USP40: variants seen among roughly 807,000 people sequenced by gnomAD.
USP40 encodes the protein ubiquitin carboxyl-terminal hydrolase 40.
In USP40, 143 loss-of-function variants were observed where a neutral mutation model predicts 166.2. That is an observed-to-expected ratio of 0.86 (90% CI 0.75 to 0.99). USP40 has a LOEUF of 0.99. USP40 is among the 50% of genes least tolerant of loss of function. The pLI, the probability that USP40 is intolerant of heterozygous loss-of-function variation, is 0.00. For synonymous variants in USP40, 498 were observed against 524.0 expected (o/e 0.95, Z 0.68); for missense variants, 1,444 against 1,479.7 (o/e 0.98, Z 0.40).
At chr2:233,506,499 C>CA (rs771337794) in intron 21 of USP40, among the ~76,000 whole-genome samples, 7 of 151,988 alleles carry the variant, frequency 4.6e-5, no homozygotes, top group Non-Finnish European at 8.8e-5. Flanking sequence ...AGAACATAGA[C>CA]AAATGGGATT....
At chr2:233,540,104 G>A (rs10198879) in intron 10 of USP40, among the ~76,000 whole-genome samples, 114,564 of 143,874 alleles carry the variant, frequency 0.8, 45,483 homozygotes, top group East Asian at 0.87. Context: ...CAGCCTGGGC[G>A]ACAGAGTGGA....
intron 18 of USP40, among the ~76,000 whole-genome samples, chr2:233,514,141 G>A (rs553262677): frequency 7.2e-5 from 11 of 152,342 alleles, no homozygotes; most frequent in Non-Finnish European, 1.0e-4. Context: ...TACGTGCCAG[G>A]CACTGTGCTA....
chr2:233,515,834 G>C (rs994078437), intron 18 of USP40, among the ~76,000 whole-genome samples: 3 of 152,026 alleles, frequency 2.0e-5, no homozygotes, highest in Admixed American at 6.5e-5. Flanking sequence ...TTAACTTTTA[G>C]TTGTATGATC....
intron 21 of USP40, among the ~76,000 whole-genome samples, chr2:233,506,099 A>G (rs888361738): frequency 2.0e-5 from 3 of 152,210 alleles, no homozygotes; most frequent in Admixed American, 2.0e-4. Flanking sequence ...TTCAAAATAT[A>G]CTACAAAGCA....
intron 21 of USP40, among the ~76,000 whole-genome samples, chr2:233,506,858 C>T (rs1357184051): frequency 6.6e-6 from 1 of 151,436 alleles, no homozygotes; most frequent in African/African-American, 2.4e-5. Flanking sequence ...TTGCAGTGAG[C>T]TGAGATCACC....
chr2:233,536,026 TA>T (rs1486579885), intron 10 of USP40, among the ~76,000 whole-genome samples: 3 of 152,064 alleles, frequency 2.0e-5, no homozygotes, highest in Admixed American at 6.5e-5. Context: ...AATTTGTAAT[TA>T]AAAAATAAAA....
chr2:233,494,189 TTC>T (rs1211322342), intron 24 of USP40, among the ~76,000 whole-genome samples: 1 of 152,236 alleles, frequency 6.6e-6, no homozygotes, highest in Non-Finnish European at 1.5e-5. Context: ...TAGAATATTT[TTC>T]TGTTTATCAG....
intron 27 of USP40, 58 bp from the exon 28 acceptor site, chr2:233,488,362 T>C: frequency 1.4e-6 from 2 of 1,420,506 alleles, no homozygotes; most frequent in Non-Finnish European, 1.9e-6. Context: ...TTTCTTGAAT[T>C]TTTTTTCCCC....
At chr2:233,504,440 T>G (rs987641483) in intron 21 of USP40, among the ~76,000 whole-genome samples, 5 of 151,760 alleles carry the variant, frequency 3.3e-5, no homozygotes, top group African/African-American at 1.2e-4. Flanking sequence ...AGTGAAGGGA[T>G]GGAAAAAGAT....
At chr2:233,562,865 A>T in intron 2 of USP40, 62 bp from the exon 3 acceptor site, 1 of 1,316,156 alleles carries the variant, frequency 7.6e-7, no homozygotes, top group Non-Finnish European at 1.0e-6. Flanking sequence ...AAATTGTTTT[A>T]GAAAGCCAAG....
Position 233,556,740 on chromosome 2 carries a change from T to C in USP40, c.546+115A>G, listed in dbSNP as rs529476545. ...GTAGTTAGAAGAAAAAAAAACTCAATAAATTACTTTTAGTAATAAACACTT... is the reference window on the plus strand; with the variant it reads ...GTAGTTAGAAGAAAAAAAAACTCAACAAATTACTTTTAGTAATAAACACTT... On this transcript the variant is annotated intron_variant, in intron 5 of 31. Transcript: ENST00000678225. The C allele has an allele frequency of 2.6e-5, 27 of 1,023,808 alleles. No homozygotes were observed. The African/African-American group carries it at 4.5e-4, about 17-fold the overall frequency. The allele number at this position is 1,023,808 out of a possible 1,614,324, so 63.4% of individuals were successfully genotyped here.
chr2:233,546,072 C>T (rs1424662700), intron 8 of USP40: 2 of 152,192 alleles, frequency 1.3e-5, no homozygotes, highest in Non-Finnish European at 2.9e-5. Context: ...TTCTATTGTT[C>T]TCTAAGTCCT....
In USP40 at chr2:233,497,131, G is replaced by A. The variant is rs187517365; in HGVS notation, c.2716-299C>T. On this transcript the variant is annotated intron_variant, in intron 23 of 31. Coordinates refer to ENST00000678225, the MANE Select transcript of USP40 (RefSeq NM_001365479.2). ...TAATTAATCCTAAAAAGATGGGTTG[G>A]ATTTGGAAAGCTAGAGAAAATAACA... Among the ~76,000 whole-genome samples the A allele has an allele frequency of 1.4e-4, 22 of 152,298 alleles. No homozygotes were observed. In the East Asian group the frequency reaches 3.7e-3, roughly 25 times the overall value.
At chr2:233,557,639 G>T (rs949391951) in intron 4 of USP40, among the ~76,000 whole-genome samples, 1 of 152,106 alleles carries the variant, frequency 6.6e-6, no homozygotes, top group African/African-American at 2.4e-5. Flanking sequence ...CAGCTGGGGG[G>T]AGGGCCAGGA....
chr2:233,491,455 G>C (rs1457021229), intron 25 of USP40, 194 bp from the exon 26 acceptor site: 1 of 592,868 alleles, frequency 1.7e-6, no homozygotes, highest in Non-Finnish European at 3.0e-6. Flanking sequence ...ACTCCCAAGA[G>C]GTCTGTGACA....
At chr2:233,518,199 C>T (rs1384724381) in intron 18 of USP40, among the ~76,000 whole-genome samples, 1 of 129,346 alleles carries the variant, frequency 7.7e-6, no homozygotes, top group Non-Finnish European at 1.6e-5. Context: ...AAAAAATGTG[C>T]TCAAAATATG....
intron 21 of USP40, among the ~76,000 whole-genome samples, chr2:233,504,697 C>T (rs1351870473): frequency 6.6e-6 from 1 of 151,508 alleles, no homozygotes; most frequent in African/African-American, 2.4e-5. Context: ...ACCAGAACAC[C>T]CAAATATATA....
chr2:233,542,759 T>C (rs1353351394), intron 8 of USP40: 2 of 156,188 alleles, frequency 1.3e-5, no homozygotes, highest in Non-Finnish European at 2.8e-5. Context: ...GAGGCAGACC[T>C]GGCTTTGAAT....
intron 11 of USP40, among the ~76,000 whole-genome samples, chr2:233,532,762 C>T (rs538381608): frequency 3.5e-4 from 53 of 152,038 alleles, no homozygotes; most frequent in African/African-American, 1.2e-3. Flanking sequence ...GGCAATACAG[C>T]GAGACCCTGT....
Sources: allele counts gnomAD v4.1 joint callset (sites outside exome capture counted in the v4.1 genomes callset), GRCh38; gene constraint gnomAD v4.1.1; transcripts MANE v1.5; gene names NCBI Gene and HGNC (gene_info 2026-07-23, HGNC 2026-07-21).